PSD3: variants seen among roughly 807,000 people sequenced by gnomAD.
PSD3 encodes pleckstrin and Sec7 domain containing 3.
PSD3 carries 49 observed loss-of-function variants against 105.5 expected under a neutral mutation model. That is an observed-to-expected ratio of 0.46 (90% CI 0.37 to 0.59). The LOEUF (loss-of-function observed/expected upper bound fraction) is 0.59. Ranked by LOEUF, PSD3 falls within the 20% of genes least tolerant of loss-of-function variation. The probability of loss-of-function intolerance (pLI) is 0.00; values close to 1 mark genes in which losing one functional copy is unlikely to be tolerated. For synonymous variants in PSD3, 557 were observed against 457.8 expected, an observed-to-expected ratio of 1.22 and a Z score of -2.77; for missense variants, 1,561 against 1,263.8, an observed-to-expected ratio of 1.24 and a Z score of -3.57.
chr8:18,581,083 G>C (rs1004916536), intron 12 of PSD3, among the ~76,000 whole-genome samples: 3 of 152,282 alleles, frequency 2.0e-5, no homozygotes, highest in African/African-American at 7.2e-5. Flanking sequence ...CTTTGTGATA[G>C]CAAAGGCTTG....
rs752704732 is a variant in PSD3, at chr8:18,774,345, C to A, written c.2083-8807G>T. Among the ~76,000 whole-genome samples, 4 of 152,138 alleles carry A rather than the reference C, an allele frequency of 2.6e-5. No individual in the cohort carries two copies. The South Asian group carries it at 6.2e-4, about 24-fold the overall frequency. On this transcript the variant is annotated intron_variant, in intron 8 of 15. Coordinates refer to ENST00000327040, the MANE Select transcript of PSD3 (RefSeq NM_015310.4). Reference sequence around the variant, plus strand: ...AACAGGGCAAAAGAGACATCCATCTCCCCAAAAATTCACCCCTTCTTTGTG... The same window carrying A: ...AACAGGGCAAAAGAGACATCCATCTACCCAAAAATTCACCCCTTCTTTGTG...
intron 1 of PSD3, among the ~76,000 whole-genome samples, chr8:18,944,549 C>A (rs574045150): frequency 7.3e-5 from 11 of 150,978 alleles, no homozygotes; most frequent in South Asian, 6.3e-4. Flanking sequence ...CCAGCCTGGG[C>A]GACAGAGTGA....
intron 1 of PSD3, among the ~76,000 whole-genome samples, chr8:19,063,536 G>A (rs1012896074): frequency 6.6e-6 from 1 of 152,112 alleles, no homozygotes; most frequent in Non-Finnish European, 1.5e-5. Context: ...TCACTACATC[G>A]TGGTGAGACA....
chr8:18,601,022 T>C (rs918510385), intron 11 of PSD3, among the ~76,000 whole-genome samples: 2 of 152,366 alleles, frequency 1.3e-5, no homozygotes, highest in African/African-American at 2.4e-5. Flanking sequence ...TTCGTCTAAA[T>C]GTCTCTTTCA....
rs1460516052 is a variant in PSD3, at chr8:18,960,222, A to C, written c.22-24080T>G. Reference sequence around the variant, plus strand: ...CTCAGAACAAAGACGATGCTCAACTATATGAATTTTGAAAAATTATGAATG... The same window carrying C: ...CTCAGAACAAAGACGATGCTCAACTCTATGAATTTTGAAAAATTATGAATG... On this transcript the variant is annotated intron_variant, in intron 1 of 15. Transcript: ENST00000327040. Among the ~76,000 whole-genome samples the C allele has an allele frequency of 2.0e-5, 3 of 152,214 alleles. No homozygotes were observed. In the East Asian group the frequency reaches 5.8e-4, roughly 29 times the overall value.
intron 1 of PSD3, among the ~76,000 whole-genome samples, chr8:19,047,799 G>C (rs1044385172): frequency 6.6e-6 from 1 of 152,110 alleles, no homozygotes; most frequent in Non-Finnish European, 1.5e-5. Flanking sequence ...CAAGGTGTCT[G>C]TCCTCCAGGC....
chr8:18,646,966 T>C (rs1808082527), intron 10 of PSD3, among the ~76,000 whole-genome samples: 1 of 152,126 alleles, frequency 6.6e-6, no homozygotes, highest in Non-Finnish European at 1.5e-5. Flanking sequence ...GAATGAACAA[T>C]CAAGGTACCC....
intron 11 of PSD3, among the ~76,000 whole-genome samples, chr8:18,622,983 A>G (rs1045983579): frequency 1.4e-4 from 21 of 152,212 alleles, no homozygotes; most frequent in African/African-American, 4.8e-4. Flanking sequence ...TACTATGGTA[A>G]GATTTTAAAT....
intron 9 of PSD3, among the ~76,000 whole-genome samples, chr8:18,749,909 T>C (rs2129437429): frequency 6.6e-6 from 1 of 152,280 alleles, no homozygotes; most frequent in East Asian, 1.9e-4. Context: ...ACAAGCTTAA[T>C]GAACTTGAAG....
At chr8:18,821,719 C>CACACACA (rs1563312321) in intron 4 of PSD3, among the ~76,000 whole-genome samples, 356 of 20,240 alleles carry the variant, frequency 0.018, 1 homozygote, top group Middle Eastern at 0.033. Context: ...ACACACACAC[C>CACACACA]CCAATAACAA....
chr8:18,847,935 G>C (rs1815233644), intron 4 of PSD3, among the ~76,000 whole-genome samples: 1 of 152,158 alleles, frequency 6.6e-6, no homozygotes, highest in Non-Finnish European at 1.5e-5. Flanking sequence ...GGAGACATGA[G>C]CCTGGTTAAA....
rs1586287185 is a variant in PSD3, at chr8:18,872,045, C to T, written c.819G>A (p.Arg273=). The T allele has an allele frequency of 3.1e-6, 5 of 1,614,152 alleles. No individual in the cohort carries two copies. The highest frequency in any genetic ancestry group is 2.2e-5 in the East Asian group (1 of 44,868). ...CTGGGTGCTCTCTCCCAAGAGCAGA[C>T]CTCTGCTCTTTCAAGAAACCAACAC... ...AGSVGFLKEQ[R]SALGREHPGG... Residue 273 remains arginine, a synonymous_variant, in exon 3 of 16, where the codon AGG becomes AGA. Transcript: ENST00000327040.
In PSD3 at chr8:18,652,501, T is replaced by TG. The variant is rs1417225719; in HGVS notation, c.2216+3140_2216+3141insC. 4.9e-5 allele frequency among the ~76,000 whole-genome samples: 7 copies of TG among 143,956 alleles called. No homozygotes were observed. In the East Asian group the frequency reaches 1.4e-3, roughly 29 times the overall value. The allele number at this position is 143,956 out of a possible 152,430, so 94.4% of individuals were successfully genotyped here. On this transcript the variant is annotated intron_variant, in intron 10 of 15. Transcript: ENST00000327040. ...ATCAAGGAAAAAGCTTAGTTTTTTT[T>TG]TTTTTTTTTTTTTTGAGACCAAGTC...
chr8:18,673,251 A>G (rs1018761737), intron 9 of PSD3, among the ~76,000 whole-genome samples: 4 of 151,500 alleles, frequency 2.6e-5, no homozygotes. Context: ...CTTTCTTTCC[A>G]CTCCCATATT....
At chr8:18,857,908 A>T (rs537938722) in intron 4 of PSD3, among the ~76,000 whole-genome samples, 10 of 152,316 alleles carry the variant, frequency 6.6e-5, no homozygotes, top group African/African-American at 2.4e-4. Context: ...ATAGAGCGTC[A>T]GGCACAGGCA....
intron 4 of PSD3, among the ~76,000 whole-genome samples, chr8:18,821,726 A>C (rs2638630): frequency 0.56 from 67,107 of 119,472 alleles, 15,505 homozygotes; most frequent in East Asian, 0.8. Flanking sequence ...CACCCCAATA[A>C]CAAAGCTCCA....
chr8:18,766,354 C>T lies in PSD3; in HGVS notation c.2083-816G>A, dbSNP rs546156087. Among the ~76,000 whole-genome samples the T allele has an allele frequency of 3.3e-5, 5 of 152,152 alleles. 1 individual carries two copies. The highest frequency in any genetic ancestry group is 1.2e-4 in the African/African-American group (5 of 41,514). On this transcript the variant is annotated intron_variant, in intron 8 of 15. Coordinates refer to ENST00000327040, the MANE Select transcript of PSD3 (RefSeq NM_015310.4). ...ATCTCAAAAAACAAAAACAAAGCAA[C>T]CACAGGTTTATATACACATACATAC...
chr8:18,989,034 G>A (rs1000884453), intron 1 of PSD3, among the ~76,000 whole-genome samples: 5 of 152,162 alleles, frequency 3.3e-5, no homozygotes, highest in African/African-American at 7.2e-5. Context: ...ATTGGGTTCC[G>A]TAGGTATTCT....
chr8:18,876,969 G>T (rs1028131090), intron 2 of PSD3, among the ~76,000 whole-genome samples: 10 of 152,182 alleles, frequency 6.6e-5, no homozygotes, highest in Middle Eastern at 3.4e-3. Context: ...TTGGCCATTT[G>T]TGCATCTTTT....
Sources: allele counts gnomAD v4.1 joint callset (sites outside exome capture counted in the v4.1 genomes callset), GRCh38; gene constraint gnomAD v4.1.1; transcripts MANE v1.5; gene names NCBI Gene and HGNC (gene_info 2026-07-23, HGNC 2026-07-21).